Variants in CCDC18 observed in about 807,000 individuals in gnomAD.
The protein encoded by CCDC18 is coiled-coil domain-containing protein 18.
Under a neutral mutation model 196.0 loss-of-function variants are expected in CCDC18, and 157 were observed. The ratio of observed to expected loss-of-function variants is 0.80; its 90% CI spans 0.70 to 0.91. The LOEUF is 0.91. CCDC18 is among the 40% of genes least tolerant of loss of function. The pLI is 0.00. For missense variants in CCDC18, 1,465 were observed against 1,611.6 expected (o/e 0.91, Z 1.56); for synonymous variants, 482 against 529.2 (o/e 0.91, Z 1.22).
chr1:93,198,653 AT>A (rs889151974), intron 6 of CCDC18, among the ~76,000 whole-genome samples: 25 of 151,770 alleles, frequency 1.6e-4, no homozygotes, highest in African/African-American at 5.6e-4. Flanking sequence ...TATAGTCTTA[AT>A]TTTTTTTTAA....
rs34139452 is a variant in CCDC18 at position 93,254,941 on chromosome 1, C to CTTTTTT, written c.3342+351_3342+356dup. ...CTATGTAATAGAATTGAGGAGTCAG[C>CTTTTTT]TTTTTTTTTTTTTTTTTTTTTTTTT... On this transcript the variant is annotated intron_variant, in intron 24 of 28. Coordinates refer to ENST00000690025, the MANE Select transcript of CCDC18 (RefSeq NM_001378204.1). 2.1e-3 allele frequency among the ~76,000 whole-genome samples: 95 copies of CTTTTTT among 44,294 alleles called. 23 individuals carry two copies. Among genetic ancestry groups the CTTTTTT allele is most frequent in the African/African-American group, 2.8e-3 (28 of 10,080 alleles). The allele number at this position is 44,294 out of a possible 152,430, so 29.1% of individuals were successfully genotyped here.
intron 23 of CCDC18, among the ~76,000 whole-genome samples, chr1:93,247,817 A>G (rs1661682118): frequency 6.6e-6 from 1 of 151,950 alleles, no homozygotes; most frequent in Admixed American, 6.6e-5. Context: ...TCTCTTTCCA[A>G]TTTGGATGCC....
chr1:93,221,730 C>A lies in CCDC18; in HGVS notation c.2084C>A (p.Thr695Lys), dbSNP rs766811138. Residue 695 changes from threonine to lysine, a missense_variant, in exon 15 of 29, where the codon ACG becomes AAG. Thr to Lys is a moderately conservative substitution (Grantham distance 78). Transcript: ENST00000690025. The stretch of plus-strand genomic sequence containing the variant: ...CTTGAATCACTAGATAGACTCTTGA[C>A]GGAAAGCAAAGGGGTAAAATCATCC... The part of the protein sequence containing the change: ...HHLESLDRLL[T>K]ESKGEMKKEN... 4 of 1,598,164 alleles carry A rather than the reference C, an allele frequency of 2.5e-6. No individual in the cohort carries two copies. The highest frequency in any genetic ancestry group is 3.4e-6 in the Non-Finnish European group (4 of 1,175,882).
chr1:93,228,678 C>CTTT (rs35733080), intron 17 of CCDC18, among the ~76,000 whole-genome samples: 26 of 146,252 alleles, frequency 1.8e-4, no homozygotes, highest in African/African-American at 5.7e-4. Context: ...TAGGAATGTC[C>CTTT]TTTTTTTTTT....
At chr1:93,271,570 C>T (rs1330196786) in intron 28 of CCDC18, 2 of 974,510 alleles carry the variant, frequency 2.1e-6, no homozygotes, top group Non-Finnish European at 1.2e-6. Flanking sequence ...TGCAGTGGCA[C>T]ATGCCTGCAA....
intron 10 of CCDC18, among the ~76,000 whole-genome samples, chr1:93,211,597 C>CTGTGTGCAA (rs980580400): frequency 3.3e-5 from 5 of 152,078 alleles, no homozygotes; most frequent in Admixed American, 1.3e-4. Context: ...GTACCGTATA[C>CTGTGTGCAA]TGTGTGCAAT....
intron 21 of CCDC18, among the ~76,000 whole-genome samples, chr1:93,241,112 G>A (rs1000981749): frequency 2.6e-5 from 4 of 151,908 alleles, no homozygotes; most frequent in Admixed American, 6.6e-5. Context: ...CTGCCACCAC[G>A]CCTGGCTAAT....
intron 6 of CCDC18, among the ~76,000 whole-genome samples, chr1:93,200,405 C>T (rs1318714224): frequency 6.6e-6 from 1 of 150,638 alleles, no homozygotes; most frequent in East Asian, 1.9e-4. Flanking sequence ...CTTGGGGAGG[C>T]CAAAGTGCGA....
intron 16 of CCDC18, 35 bp downstream of exon 16, chr1:93,221,971 CT>C (rs113139948): frequency 0.16 from 175,587 of 1,085,274 alleles, 5 homozygotes; most frequent in Non-Finnish European, 0.17. Context: ...TCTTTCTTTC[CT>C]TTTTTTTTTT....
At chr1:93,256,206 T>C (rs1473442142) in intron 24 of CCDC18, 129 bp from the exon 25 acceptor site, 2 of 729,972 alleles carry the variant, frequency 2.7e-6, no homozygotes, top group Non-Finnish European at 4.5e-6. Flanking sequence ...TGTTAAATTT[T>C]AACATACTCA....
intron 19 of CCDC18, 110 bp downstream of exon 19, chr1:93,236,500 C>T (rs1458480746): frequency 6.9e-6 from 7 of 1,013,316 alleles, no homozygotes; most frequent in Non-Finnish European, 8.6e-6. Context: ...TTAATGTCTC[C>T]ATAGTCTGTG....
chr1:93,246,691 A>T, intron 22 of CCDC18, 147 bp from the exon 23 acceptor site: 1 of 492,230 alleles, frequency 2.0e-6, no homozygotes, highest in Non-Finnish European at 3.6e-6. Flanking sequence ...ATTTGAGTTT[A>T]TACTAAAGCA....
At chr1:93,206,186 A>G (rs757736960) in intron 8 of CCDC18, among the ~76,000 whole-genome samples, 1 of 152,126 alleles carries the variant, frequency 6.6e-6, no homozygotes, top group Non-Finnish European at 1.5e-5. Flanking sequence ...TTAATTTAAA[A>G]AAAAGGGGGA....
chr1:93,180,486 G>A, upstream of CCDC18: 1 of 1,526,046 alleles, frequency 6.6e-7, no homozygotes, highest in African/African-American at 1.4e-5. Context: ...CCTCAGGCCA[G>A]GCGTGAGCGC....
intron 23 of CCDC18, among the ~76,000 whole-genome samples, chr1:93,250,229 A>G (rs1411900256): frequency 5.3e-5 from 8 of 151,962 alleles, no homozygotes; most frequent in Admixed American, 4.6e-4. Context: ...AAGTGAAAAA[A>G]AATTAGCCAG....
intron 17 of CCDC18, among the ~76,000 whole-genome samples, chr1:93,231,295 A>T (rs948481421): frequency 6.6e-6 from 1 of 152,192 alleles, no homozygotes; most frequent in Non-Finnish European, 1.5e-5. Context: ...TATATAAGCA[A>T]CAACAAGAAA....
At chr1:93,268,078 A>T (rs1664750311) in intron 27 of CCDC18, among the ~76,000 whole-genome samples, 1 of 152,174 alleles carries the variant, frequency 6.6e-6, no homozygotes, top group African/African-American at 2.4e-5. Context: ...CAAAACAGAG[A>T]TATAGACCAA....
intron 27 of CCDC18, among the ~76,000 whole-genome samples, chr1:93,267,717 A>T (rs919838983): frequency 6.6e-6 from 1 of 152,228 alleles, no homozygotes; most frequent in Non-Finnish European, 1.5e-5. Flanking sequence ...AATACCTAGG[A>T]ATCCAACTTA....
intron 14 of CCDC18, among the ~76,000 whole-genome samples, chr1:93,220,154 C>T (rs953606559): frequency 6.6e-6 from 1 of 152,138 alleles, no homozygotes; most frequent in Non-Finnish European, 1.5e-5. Context: ...ATAAATGACA[C>T]TGCATATAAG....
Sources: gnomAD v4.1 joint callset for allele counts (sites outside exome capture counted in the v4.1 genomes callset) on GRCh38, gnomAD v4.1.1 for gene constraint, MANE v1.5 for transcripts, NCBI Gene and HGNC (gene_info 2026-07-23, HGNC 2026-07-21) for gene names.